ADAMTS9: variants seen among roughly 807,000 people sequenced by gnomAD.
The protein encoded by ADAMTS9 is A disintegrin and metalloproteinase with thrombospondin motifs 9.
A neutral mutation model predicts 257.1 loss-of-function variants in ADAMTS9; 107 were observed. The observed-to-expected ratio is 0.42, with a 90% CI of 0.36 to 0.49. The LOEUF (loss-of-function observed/expected upper bound fraction) is 0.49, where lower values mean the gene tolerates loss of function less well. Among genes scored for constraint, ADAMTS9 ranks in the 20% least tolerant of loss-of-function variants. The pLI is 0.03. For synonymous variants in ADAMTS9, 982 were observed against 880.9 expected (o/e 1.11, Z -2.03); for missense variants, 2,353 against 2,469.1 (o/e 0.95, Z 1.00).
intron 10 of ADAMTS9, among the ~76,000 whole-genome samples, chr3:64,648,871 A>G (rs1009642544): frequency 7.2e-5 from 11 of 152,180 alleles, no homozygotes; most frequent in African/African-American, 2.7e-4. Context: ...CCTATCATGA[A>G]TAACACAAAA....
At position 64,568,529 on chromosome 3, in the gene ADAMTS9, C is replaced by A. The variant is rs878866399; in HGVS notation, c.4363G>T (p.Val1455Phe). The change falls in exon 29 of 40, where the codon GTC (valine) becomes TTC (phenylalanine). Residue 1455 changes from valine (V) to phenylalanine (F), a missense_variant. Val to Phe is a conservative substitution (Grantham distance 50, BLOSUM62 -1). Transcript: ENST00000498707. The part of the protein sequence containing the change: ...WSTGPWSSCS[V>F]SCGRGHKQRN... ...TGTTTATGCCCTCGACCACAAGAGA[C>A]AGAACACTGCAATATAAAGCAATGG... 3 of 1,613,386 alleles carry A rather than the reference C, an allele frequency of 1.9e-6. No individual in the cohort carries two copies. The Admixed American group carries it at 5.0e-5, about 27-fold the overall frequency.
chr3:64,680,282 T>G (rs1431777458), intron 3 of ADAMTS9, among the ~76,000 whole-genome samples: 2 of 152,170 alleles, frequency 1.3e-5, no homozygotes, highest in African/African-American at 4.8e-5. Flanking sequence ...GACCCTGAGA[T>G]GCTATTTAAT....
chr3:64,563,978 G>A (rs914652035), intron 29 of ADAMTS9, among the ~76,000 whole-genome samples: 1 of 152,190 alleles, frequency 6.6e-6, no homozygotes, highest in Non-Finnish European at 1.5e-5. Flanking sequence ...ATTTGTGCAG[G>A]CACCCCATGA....
At chr3:64,533,807 A>C (rs1427064211) in intron 37 of ADAMTS9, among the ~76,000 whole-genome samples, 1 of 152,200 alleles carries the variant, frequency 6.6e-6, no homozygotes, top group Non-Finnish European at 1.5e-5. Flanking sequence ...AGCAGAGGGC[A>C]GGGTTGGCCT....
rs908321115 is a variant in ADAMTS9, at chr3:64,655,720, C to T, written c.1054-29G>A. Reference sequence around the variant, plus strand: ...AATACAGAGAAGAATTATGGTTAATCTGTTGTACCGATCCCAATTAGATAT... The same window carrying T: ...AATACAGAGAAGAATTATGGTTAATTTGTTGTACCGATCCCAATTAGATAT... On this transcript the variant is annotated intron_variant, in intron 5 of 39. Coordinates refer to ENST00000498707, the MANE Select transcript of ADAMTS9 (RefSeq NM_182920.2). 4 of 1,602,382 alleles carry T rather than the reference C, an allele frequency of 2.5e-6. No homozygotes were observed. The African/African-American group carries it at 5.4e-5, about 21-fold the overall frequency.
intron 9 of ADAMTS9, 185 bp downstream of exon 9, chr3:64,650,832 C>G: frequency 1.8e-6 from 1 of 570,558 alleles, no homozygotes; most frequent in South Asian, 2.7e-5. Context: ...CTTCTAAACT[C>G]TGTCAAGGAT....
At chr3:64,520,234 T>C (rs1596372) in intron 39 of ADAMTS9, among the ~76,000 whole-genome samples, 148,402 of 152,272 alleles carry the variant, frequency 0.97, 72,444 homozygotes, top group East Asian at 1. Context: ...ATACATCTAA[T>C]CAAGCAGGTA....
chr3:64,528,811 A>T (rs114353798), intron 38 of ADAMTS9, among the ~76,000 whole-genome samples: 1 of 152,234 alleles, frequency 6.6e-6, no homozygotes, highest in African/African-American at 2.4e-5. Flanking sequence ...CAATAAGTCA[A>T]TGAGAAAGGG....
rs75012446 is a variant in ADAMTS9, at chr3:64,597,075, A to G, written c.4018-84T>C. The stretch of plus-strand genomic sequence containing the variant: ...AGCAGCTGGTTGAAAGGTTAAGACA[A>G]ATGTGCTGAAAAGCATTCTCAAGTC... On this transcript the variant is annotated intron_variant, in intron 26 of 39. Coordinates refer to ENST00000498707, the MANE Select transcript of ADAMTS9 (RefSeq NM_182920.2). 0.064 allele frequency: 98,646 copies of G among 1,541,474 alleles called. 3,686 individuals are homozygous for G. Among genetic ancestry groups the G allele is most frequent in the Non-Finnish European group, 0.075 (84,734 of 1,137,240 alleles).
rs2083263762 is a variant in ADAMTS9 at position 64,550,988 on chromosome 3, A to G, written c.4773T>C (p.His1591=). 3 of 1,614,116 alleles carry G rather than the reference A, an allele frequency of 1.9e-6. No homozygotes were observed. The highest frequency in any genetic ancestry group is 2.2e-5 in the East Asian group (1 of 44,858). ...GCTTGCTCACGTCACAGCGTGCCCC[A>G]TGCACCTCGTTTTTGTTGTCATCCA... ...VCVDDNKNEV[H]GARCDVSKRP... is the part of the protein sequence containing the mutation. The change falls in exon 31 of 40, where the codon CAT becomes CAC. Residue 1591 remains histidine (H), a synonymous_variant. Coordinates refer to ENST00000498707, the MANE Select transcript of ADAMTS9 (RefSeq NM_182920.2).
At chr3:64,621,062 T>C (rs1176856800) in intron 19 of ADAMTS9, 52 bp downstream of exon 19, 12 of 1,563,734 alleles carry the variant, frequency 7.7e-6, no homozygotes, top group African/African-American at 1.4e-5. Context: ...TGGGACCTCC[T>C]GCAAGACTCT....
At chr3:64,649,084 T>G (rs571531740) in intron 10 of ADAMTS9, among the ~76,000 whole-genome samples, 1 of 152,130 alleles carries the variant, frequency 6.6e-6, no homozygotes, top group Non-Finnish European at 1.5e-5. Context: ...CTAGATGTTA[T>G]CACTGGCCCA....
intron 12 of ADAMTS9, among the ~76,000 whole-genome samples, chr3:64,634,481 G>A (rs1283317744): frequency 1.3e-5 from 2 of 152,220 alleles, no homozygotes; most frequent in Non-Finnish European, 2.9e-5. Flanking sequence ...AACTTAAGAG[G>A]AGAAGCAGGA....
In ADAMTS9 at chr3:64,522,270, G is replaced by C; in HGVS notation, c.5719-10C>G. 1 of 1,613,298 alleles carries C rather than the reference G, an allele frequency of 6.2e-7. No homozygotes were observed. Among genetic ancestry groups the C allele is most frequent in the Non-Finnish European group, 8.5e-7 (1 of 1,179,324 alleles). Reference sequence around the variant, plus strand: ...CGACTCGGGTACCATCCTGCAAGGAGATGCATCATGTTAGCCTGCCTGCTT... The same window carrying C: ...CGACTCGGGTACCATCCTGCAAGGACATGCATCATGTTAGCCTGCCTGCTT... On this transcript the variant is annotated splice_polypyrimidine_tract_variant and intron_variant, in intron 38 of 39. Transcript: ENST00000498707.
chr3:64,516,272 CTG>C lies in ADAMTS9; in HGVS notation c.*853_*854del, dbSNP rs1179674713. 1 of 152,570 alleles carries C rather than the reference CTG, an allele frequency of 6.6e-6. No homozygotes were observed. Among genetic ancestry groups the C allele is most frequent in the African/African-American group, 2.4e-5 (1 of 41,452 alleles). The allele number at this position is 152,570 out of a possible 1,614,324, so 9.5% of individuals were successfully genotyped here. A position where few individuals can be genotyped will look rare whatever the true frequency, so the allele number is the denominator to read the frequency against. Reference sequence around the variant, plus strand: ...AGGATCTCACTTTCCCAATATCACTCTGTAATGAAGCTGCTTGGGGGATCCTC... The same window carrying C: ...AGGATCTCACTTTCCCAATATCACTCTAATGAAGCTGCTTGGGGGATCCTC... On this transcript the variant is annotated 3_prime_UTR_variant, in exon 40 of 40. Transcript: ENST00000498707.
rs758536387 is a variant in ADAMTS9, at chr3:64,539,232, C to T, written c.5584G>A (p.Asp1862Asn). ...GHPVPFATAG[D>N]CYSAAKCPQG... is the part of the protein sequence containing the mutation. ...GGGCACTTGGCAGCGCTGTAGCAAT[C>T]CCCGGCTGTGGCAAAAGGGACGGGA... The change falls in exon 37 of 40, where the codon GAT becomes AAT. Residue 1862 changes from aspartate (D) to asparagine (N), a missense_variant. By Grantham distance (23) the Asp-to-Asn change is conservative. Coordinates refer to ENST00000498707, the MANE Select transcript of ADAMTS9 (RefSeq NM_182920.2). 6.2e-7 allele frequency: 1 copy of T among 1,613,986 alleles called. No individual in the cohort carries two copies. Among genetic ancestry groups the T allele is most frequent in the African/African-American group, 1.3e-5 (1 of 75,028 alleles).
chr3:64,546,600 A>G (rs369588621), intron 32 of ADAMTS9, among the ~76,000 whole-genome samples, 158 bp downstream of exon 32: 1 of 152,236 alleles, frequency 6.6e-6, no homozygotes, highest in African/African-American at 2.4e-5. Flanking sequence ...GTAAACAGAA[A>G]GAAGTCCCTT....
intron 30 of ADAMTS9, among the ~76,000 whole-genome samples, chr3:64,552,875 A>C (rs998700841): frequency 3.3e-5 from 5 of 152,180 alleles, no homozygotes; most frequent in Admixed American, 1.3e-4. Flanking sequence ...GTCTTTTAAA[A>C]TGTCTAATTT....
At chr3:64,518,335 C>G (rs1399888911) in intron 39 of ADAMTS9, among the ~76,000 whole-genome samples, 1 of 152,140 alleles carries the variant, frequency 6.6e-6, no homozygotes, top group Non-Finnish European at 1.5e-5. Context: ...ACTCTTGTAT[C>G]AGGATCTTCA....
Sources: gnomAD v4.1 joint callset for allele counts (sites outside exome capture counted in the v4.1 genomes callset) on GRCh38, gnomAD v4.1.1 for gene constraint, MANE v1.5 for transcripts, NCBI Gene and HGNC (gene_info 2026-07-23, HGNC 2026-07-21) for gene names.